The following PLCB1 variants were observed in gnomAD, a reference collection of about 807,000 sequenced individuals.
PLCB1 encodes phospholipase C beta 1.
A neutral mutation model predicts 161.8 loss-of-function variants in PLCB1; 46 were observed. The ratio of observed to expected loss-of-function variants is 0.28; its 90% CI spans 0.22 to 0.36. The LOEUF is 0.36. PLCB1 is among the 10% of genes least tolerant of loss of function. PLCB1 has a pLI of 1.00. For missense variants in PLCB1, 1,016 were observed against 1,472.5 expected (o/e 0.69, Z 5.07); for synonymous variants, 517 against 503.7 (o/e 1.03, Z -0.35).
chr20:8,250,364 A>T (rs1229411422), intron 2 of PLCB1, among the ~76,000 whole-genome samples: 1 of 152,078 alleles, frequency 6.6e-6, no homozygotes, highest in South Asian at 2.1e-4. Context: ...ATAGATTGCT[A>T]CTATAAATAC....
intron 31 of PLCB1, among the ~76,000 whole-genome samples, chr20:8,827,217 T>C (rs1985750020): frequency 6.6e-6 from 1 of 152,220 alleles, no homozygotes; most frequent in Non-Finnish European, 1.5e-5. Flanking sequence ...TGATTATTTG[T>C]TCACTGAATT....
At chr20:8,465,507 G>C (rs6140621) in intron 3 of PLCB1, among the ~76,000 whole-genome samples, 48,969 of 151,938 alleles carry the variant, frequency 0.32, 8,536 homozygotes, top group East Asian at 0.56. Flanking sequence ...CCCCACATTG[G>C]AAAGTCCTTA....
intron 3 of PLCB1, among the ~76,000 whole-genome samples, chr20:8,627,487 A>C (rs905056608): frequency 7.2e-5 from 11 of 152,152 alleles, no homozygotes; most frequent in African/African-American, 2.7e-4. Context: ...CTGGCCAGCA[A>C]ATTTGCTAAG....
chr20:8,868,438 G>A (rs1209506605), intron 31 of PLCB1, among the ~76,000 whole-genome samples: 1 of 152,150 alleles, frequency 6.6e-6, no homozygotes, highest in Admixed American at 6.5e-5. Context: ...GACAATTCCC[G>A]ATTATTTTGT....
chr20:8,756,976 T>C (rs1981768299), intron 23 of PLCB1, 70 bp from the exon 24 acceptor site: 1 of 1,397,304 alleles, frequency 7.2e-7, no homozygotes, highest in Admixed American at 2.2e-5. Flanking sequence ...AAATGTAGCC[T>C]TGTTGGTTTA....
chr20:8,290,421 A>G (rs1358104537), intron 2 of PLCB1, among the ~76,000 whole-genome samples: 1 of 152,156 alleles, frequency 6.6e-6, no homozygotes, highest in Non-Finnish European at 1.5e-5. Flanking sequence ...CTGGTGTTCA[A>G]TCTATGGAGT....
chr20:8,757,010 G>T (rs1236370507), intron 23 of PLCB1, 36 bp from the exon 24 acceptor site: 4 of 1,554,816 alleles, frequency 2.6e-6, no homozygotes, highest in South Asian at 2.4e-5. Context: ...AGAATAAAAA[G>T]AAATGTGGAA....
rs370201953 is a variant in PLCB1, at chr20:8,491,884, A to C, written c.246+120434A>C. ...GGATCACTGTCCTTTGTTACCTGAC[A>C]TTCTGTGTCTTAAAAACGGTTGTTT... is the stretch of plus-strand genomic sequence containing the variant. On this transcript the variant is annotated intron_variant, in intron 3 of 31. Coordinates refer to ENST00000338037, the MANE Select transcript of PLCB1 (RefSeq NM_015192.4). Among the ~76,000 whole-genome samples, 30 of 152,148 alleles carry C rather than the reference A, an allele frequency of 2.0e-4. 1 individual carries two copies. In the East Asian group the frequency reaches 5.4e-3, roughly 28 times the overall value.
intron 1 of PLCB1, among the ~76,000 whole-genome samples, chr20:8,137,201 T>G (rs996463290): frequency 6.6e-6 from 1 of 152,200 alleles, no homozygotes; most frequent in Non-Finnish European, 1.5e-5. Flanking sequence ...GCTTAGAACT[T>G]TTGCATTATG....
At chr20:8,633,936 T>C (rs1988682143) in intron 4 of PLCB1, among the ~76,000 whole-genome samples, 1 of 152,204 alleles carries the variant, frequency 6.6e-6, no homozygotes, top group Admixed American at 6.5e-5. Flanking sequence ...ATTTATGAGA[T>C]TCTTCTATAT....
At chr20:8,488,861 T>G (rs60154175) in intron 3 of PLCB1, among the ~76,000 whole-genome samples, 2 of 152,206 alleles carry the variant, frequency 1.3e-5, no homozygotes, top group African/African-American at 4.8e-5. Context: ...TTTCTAGATT[T>G]AATGACTTTA....
intron 2 of PLCB1, among the ~76,000 whole-genome samples, chr20:8,368,616 A>G (rs1986803037): frequency 5.3e-5 from 8 of 151,976 alleles, no homozygotes; most frequent in Admixed American, 5.3e-4. Flanking sequence ...TGAGAGATAT[A>G]TTTTTATCCT....
At chr20:8,650,954 T>A (rs983848925) in intron 7 of PLCB1, among the ~76,000 whole-genome samples, 20 of 152,194 alleles carry the variant, frequency 1.3e-4, no homozygotes, top group African/African-American at 4.8e-4. Context: ...TTTTTATGCC[T>A]GACACACACA....
intron 3 of PLCB1, among the ~76,000 whole-genome samples, chr20:8,619,280 G>A (rs763660625): frequency 3.3e-5 from 5 of 152,150 alleles, no homozygotes; most frequent in South Asian, 2.1e-4. Context: ...TTAGCCGGGC[G>A]TGGTGGCATG....
chr20:8,760,674 G>T (rs558009018), intron 25 of PLCB1, among the ~76,000 whole-genome samples: 3 of 152,268 alleles, frequency 2.0e-5, no homozygotes, highest in African/African-American at 7.2e-5. Context: ...AACCCTACTG[G>T]CATAAAAATA....
intron 2 of PLCB1, among the ~76,000 whole-genome samples, chr20:8,261,690 G>A (rs1981706442): frequency 6.6e-6 from 1 of 152,118 alleles, no homozygotes; most frequent in African/African-American, 2.4e-5. Context: ...TAGAGTGCAT[G>A]ATATCTCCTG....
At chr20:8,643,742 G>GCCCTCT (rs199565985) in intron 4 of PLCB1, among the ~76,000 whole-genome samples, 1,020 of 101,798 alleles carry the variant, frequency 0.01, 44 homozygotes, top group Middle Eastern at 0.047. Context: ...ACAAAAAATA[G>GCCCTCT]CCCTCTCCCT....
intron 31 of PLCB1, among the ~76,000 whole-genome samples, chr20:8,811,842 C>T (rs1259561231): frequency 1.3e-5 from 2 of 152,284 alleles, no homozygotes; most frequent in South Asian, 4.1e-4. Flanking sequence ...TACTCAGCCT[C>T]CTATAGCAGG....
At chr20:8,515,376 A>G (rs1292131204) in intron 3 of PLCB1, among the ~76,000 whole-genome samples, 1 of 152,206 alleles carries the variant, frequency 6.6e-6, no homozygotes, top group East Asian at 1.9e-4. Flanking sequence ...GTTGCATACA[A>G]TTATTAAAAA....
Sources: gnomAD v4.1 joint callset for allele counts (sites outside exome capture counted in the v4.1 genomes callset) on GRCh38, gnomAD v4.1.1 for gene constraint, MANE v1.5 for transcripts, NCBI Gene and HGNC (gene_info 2026-07-23, HGNC 2026-07-21) for gene names.